CLSTN2: variants seen among roughly 807,000 people sequenced by gnomAD.
CLSTN2 encodes calsyntenin 2.
CLSTN2 carries 48 observed loss-of-function variants against 101.2 expected under a neutral mutation model. The observed-to-expected ratio is 0.47, with a 90% CI of 0.38 to 0.60. CLSTN2 has a LOEUF of 0.60. CLSTN2 is among the 20% of genes least tolerant of loss of function. CLSTN2 has a pLI of 0.00. For synonymous variants in CLSTN2, 481 were observed against 463.6 expected (o/e 1.04, Z -0.48); for missense variants, 1,160 against 1,238.2 (o/e 0.94, Z 0.95).
intron 9 of CLSTN2, among the ~76,000 whole-genome samples, chr3:140,534,263 T>C (rs1935317098): frequency 6.6e-6 from 1 of 152,098 alleles, no homozygotes; most frequent in Admixed American, 6.6e-5. Context: ...AACATTGCCC[T>C]AATCATGTCC....
intron 2 of CLSTN2, among the ~76,000 whole-genome samples, chr3:140,261,180 G>A (rs1003452196): frequency 6.6e-6 from 1 of 150,956 alleles, no homozygotes; most frequent in Admixed American, 6.6e-5. Context: ...ACCTTCTTGA[G>A]GGAAGAATAT....
At chr3:140,437,436 T>C (rs1020859073) in intron 5 of CLSTN2, among the ~76,000 whole-genome samples, 1 of 152,208 alleles carries the variant, frequency 6.6e-6, no homozygotes, top group Non-Finnish European at 1.5e-5. Context: ...TCTCAGGCTC[T>C]AGATCCAGAA....
At chr3:140,342,135 T>TA (rs1346330067) in intron 2 of CLSTN2, among the ~76,000 whole-genome samples, 1 of 152,240 alleles carries the variant, frequency 6.6e-6, no homozygotes, top group African/African-American at 2.4e-5. Flanking sequence ...GTTGCCCAGC[T>TA]ATGAGTAGTT....
intron 2 of CLSTN2, among the ~76,000 whole-genome samples, chr3:140,289,337 T>A (rs889012459): frequency 1.1e-3 from 169 of 151,532 alleles, no homozygotes; most frequent in African/African-American, 4.1e-3. Context: ...TGTTTTTTTT[T>A]GTTTGTTTGT....
chr3:140,026,316 C>G (rs756157484), intron 1 of CLSTN2, among the ~76,000 whole-genome samples: 2 of 152,122 alleles, frequency 1.3e-5, no homozygotes, highest in Non-Finnish European at 2.9e-5. Context: ...CTTTCCCAGA[C>G]AGAAATGATA....
At chr3:140,202,694 A>G (rs1024735072) in intron 2 of CLSTN2, among the ~76,000 whole-genome samples, 2 of 152,208 alleles carry the variant, frequency 1.3e-5, no homozygotes, top group African/African-American at 4.8e-5. Flanking sequence ...TCAGATGTTC[A>G]AGAGAAGAGA....
At chr3:140,087,389 A>G (rs539008739) in intron 1 of CLSTN2, among the ~76,000 whole-genome samples, 1 of 152,306 alleles carries the variant, frequency 6.6e-6, no homozygotes, top group East Asian at 1.9e-4. Context: ...TTGAATTTGT[A>G]TTTTTAAGAT....
rs180679018 is a variant in CLSTN2 at position 140,498,029 on chromosome 3, A to G, written c.1344+31298A>G. 4.4e-3 allele frequency among the ~76,000 whole-genome samples: 664 copies of G among 152,200 alleles called. 5 individuals are homozygous for G. The highest frequency in any genetic ancestry group is 3.7e-3 in the Non-Finnish European group (249 of 68,006). On this transcript the variant is annotated intron_variant, in intron 8 of 16. Coordinates refer to ENST00000458420, the MANE Select transcript of CLSTN2 (RefSeq NM_022131.3). ...CGAGTCTTCCACATATTCAGTCCCA[A>G]TGCGAGAACCTAGATATTTCGGTTG...
chr3:140,321,565 C>G (rs938660706), intron 2 of CLSTN2, among the ~76,000 whole-genome samples: 1 of 152,102 alleles, frequency 6.6e-6, no homozygotes, highest in Non-Finnish European at 1.5e-5. Context: ...ATGTAACACC[C>G]CTGCAAGCTG....
chr3:140,490,757 G>A (rs1934339595), intron 8 of CLSTN2, among the ~76,000 whole-genome samples: 1 of 152,226 alleles, frequency 6.6e-6, no homozygotes, highest in South Asian at 2.1e-4. Context: ...GATCTGCTCA[G>A]TAACGAGGAG....
At chr3:140,234,282 G>T (rs1466511216) in intron 2 of CLSTN2, among the ~76,000 whole-genome samples, 1 of 152,206 alleles carries the variant, frequency 6.6e-6, no homozygotes, top group East Asian at 1.9e-4. Context: ...CTGCTTGCAA[G>T]TGATGCTGCT....
intron 2 of CLSTN2, among the ~76,000 whole-genome samples, chr3:140,257,704 C>T (rs1303850293): frequency 6.6e-6 from 1 of 151,920 alleles, no homozygotes; most frequent in African/African-American, 2.4e-5. Flanking sequence ...TTAATGGTTG[C>T]AAACTGTTCT....
chr3:140,235,284 T>A (rs2086406493), intron 2 of CLSTN2, among the ~76,000 whole-genome samples: 1 of 152,180 alleles, frequency 6.6e-6, no homozygotes, highest in Non-Finnish European at 1.5e-5. Context: ...GATTGAACCC[T>A]GAAGGCCAGA....
intron 2 of CLSTN2, among the ~76,000 whole-genome samples, chr3:140,225,460 T>G (rs917998428): frequency 8.6e-5 from 13 of 151,586 alleles, no homozygotes; most frequent in Non-Finnish European, 1.6e-4. Context: ...AAATATTTTA[T>G]GCAAGATGAA....
chr3:140,397,466 C>A (rs545483601), intron 2 of CLSTN2, among the ~76,000 whole-genome samples: 1 of 152,170 alleles, frequency 6.6e-6, no homozygotes, highest in Non-Finnish European at 1.5e-5. Context: ...ACCATTAAAG[C>A]TGCTGTAACG....
intron 1 of CLSTN2, among the ~76,000 whole-genome samples, chr3:139,964,579 G>T (rs1935563166): frequency 6.6e-6 from 1 of 152,102 alleles, no homozygotes; most frequent in African/African-American, 2.4e-5. Context: ...GGGTCAAGGG[G>T]CCAAGCTGCC....
At chr3:140,002,062 C>T (rs1284781812) in intron 1 of CLSTN2, among the ~76,000 whole-genome samples, 1 of 152,126 alleles carries the variant, frequency 6.6e-6, no homozygotes, top group African/African-American at 2.4e-5. Context: ...TTGGCTATTG[C>T]AAACAGTGCT....
intron 1 of CLSTN2, among the ~76,000 whole-genome samples, chr3:140,164,723 C>T (rs2010106404): frequency 6.6e-6 from 1 of 152,166 alleles, no homozygotes; most frequent in Non-Finnish European, 1.5e-5. Flanking sequence ...CACAATTTTT[C>T]CTAGCCTTGC....
chr3:140,499,525 C>A (rs955613380), intron 8 of CLSTN2, among the ~76,000 whole-genome samples: 1 of 152,108 alleles, frequency 6.6e-6, no homozygotes, highest in Non-Finnish European at 1.5e-5. Context: ...AAACAAAGGC[C>A]CACCTGGGTG....
Sources: allele counts gnomAD v4.1 joint callset (sites outside exome capture counted in the v4.1 genomes callset), GRCh38; gene constraint gnomAD v4.1.1; transcripts MANE v1.5; gene names NCBI Gene and HGNC (gene_info 2026-07-23, HGNC 2026-07-21).